TACC2: variants seen among roughly 807,000 people sequenced by gnomAD.
TACC2 encodes transforming acidic coiled-coil-containing protein 2.
In TACC2, 137 loss-of-function variants were observed where a neutral mutation model predicts 227.3. The observed-to-expected ratio is 0.60, with a 90% CI of 0.52 to 0.69. TACC2 has a LOEUF of 0.69. Ranked by LOEUF, TACC2 falls within the 30% of genes least tolerant of loss-of-function variation. The probability of loss-of-function intolerance (pLI) is 0.00; values close to 1 mark genes in which losing one functional copy is unlikely to be tolerated. For synonymous variants in TACC2, 1,523 were observed against 1,487.5 expected, an observed-to-expected ratio of 1.02 and a Z score of -0.55; for missense variants, 3,470 against 3,694.4, an observed-to-expected ratio of 0.94 and a Z score of 1.57.
chr10:122,021,919 C>T lies in TACC2; in HGVS notation c.-45-18C>T. 1 of 1,482,648 alleles carries T rather than the reference C, an allele frequency of 6.7e-7. No individual in the cohort carries two copies. The highest frequency in any genetic ancestry group is 1.1e-5 in the South Asian group (1 of 88,212). The allele number at this position is 1,482,648 out of a possible 1,614,324, so 91.8% of individuals were successfully genotyped here. A position where few individuals can be genotyped will look rare whatever the true frequency, so the allele number is the denominator to read the frequency against. ...TTTTTTCATTTCACAGACGTTTATA[C>T]CCTTTTGTTTCTTCCAGTCACCTCT... is the stretch of plus-strand genomic sequence containing the variant. On this transcript the variant is annotated intron_variant, in intron 1 of 22. Coordinates refer to ENST00000369005, the MANE Select transcript of TACC2 (RefSeq NM_206862.4).
intron 7 of TACC2, among the ~76,000 whole-genome samples, chr10:122,186,822 T>C (rs2140381178): frequency 6.6e-6 from 1 of 152,050 alleles, no homozygotes; most frequent in Admixed American, 6.5e-5. Flanking sequence ...CAAACCTGAG[T>C]TTTAAGATTC....
intron 7 of TACC2, among the ~76,000 whole-genome samples, chr10:122,170,582 G>A (rs534746350): frequency 2.6e-5 from 4 of 152,126 alleles, no homozygotes; most frequent in Admixed American, 6.6e-5. Context: ...GATCACAGGC[G>A]TGAGCCACTG....
At chr10:122,195,270 G>A in intron 8 of TACC2, 94 bp downstream of exon 8, 2 of 1,158,184 alleles carry the variant, frequency 1.7e-6, no homozygotes, top group South Asian at 1.6e-5. Context: ...GGCTGGAGGC[G>A]AGCACTGACT....
At chr10:122,058,888 C>T (rs1429853440) in intron 3 of TACC2, among the ~76,000 whole-genome samples, 3 of 107,350 alleles carry the variant, frequency 2.8e-5, no homozygotes, top group Non-Finnish European at 5.9e-5. Flanking sequence ...CCAGCCCCCT[C>T]TGTGTGTTTT....
intron 19 of TACC2, chr10:122,248,354 A>G (rs749416570): frequency 2.3e-5 from 8 of 348,630 alleles, no homozygotes; most frequent in Non-Finnish European, 3.8e-5. Context: ...AGGGACACCA[A>G]TATAGACCTG....
At chr10:122,108,363 T>C (rs1169914989) in intron 5 of TACC2, among the ~76,000 whole-genome samples, 4 of 151,674 alleles carry the variant, frequency 2.6e-5, no homozygotes, top group Non-Finnish European at 5.9e-5. Flanking sequence ...GGCTGAGTAG[T>C]ATTCCATGCG....
intron 1 of TACC2, among the ~76,000 whole-genome samples, chr10:121,993,774 C>T (rs575031368): frequency 2.0e-4 from 30 of 152,146 alleles, no homozygotes; most frequent in East Asian, 1.2e-3. Flanking sequence ...TACAGGCGTG[C>T]GCCACCATGC....
At chr10:122,250,591 G>A (rs1023410667) in intron 22 of TACC2, among the ~76,000 whole-genome samples, 2 of 152,166 alleles carry the variant, frequency 1.3e-5, no homozygotes, top group Non-Finnish European at 2.9e-5. Flanking sequence ...GGGCATTTGG[G>A]CCAAGCAGTG....
At chr10:122,217,992 T>C (rs1593482508) in intron 11 of TACC2, among the ~76,000 whole-genome samples, 1 of 152,126 alleles carries the variant, frequency 6.6e-6, no homozygotes, top group African/African-American at 2.4e-5. Flanking sequence ...TCGCCCAGGC[T>C]GGAGTGCAAT....
intron 16 of TACC2, among the ~76,000 whole-genome samples, chr10:122,231,706 T>C (rs1209368714): frequency 1.3e-5 from 2 of 152,098 alleles, no homozygotes; most frequent in Non-Finnish European, 2.9e-5. Context: ...CTGGGTGTGG[T>C]GGTACACACC....
intron 1 of TACC2, among the ~76,000 whole-genome samples, chr10:122,013,026 TC>T (rs1241870032): frequency 6.6e-6 from 1 of 151,546 alleles, no homozygotes; most frequent in Non-Finnish European, 1.5e-5. Flanking sequence ...GCTTGCAGAG[TC>T]CCCCAACATC....
chr10:122,084,441 C>T lies in TACC2; in HGVS notation c.1941C>T (p.Pro647=), dbSNP rs779042725. 3 of 1,612,876 alleles carry T rather than the reference C, an allele frequency of 1.9e-6. No homozygotes were observed. Among genetic ancestry groups the T allele is most frequent in the Non-Finnish European group, 2.5e-6 (3 of 1,180,022 alleles). Residue 647 remains proline (P), a synonymous_variant, in exon 4 of 23, where the codon CCC becomes CCT. Coordinates refer to ENST00000369005, the MANE Select transcript of TACC2 (RefSeq NM_206862.4). ...GGGGTGCTGGGCACACGGACGGGCC[C>T]CACTCTCAGACAGCAGAGGCTGATG... ...RKGGAGHTDG[P]HSQTAEADAS...
chr10:122,230,472 T>G, intron 16 of TACC2, 32 bp downstream of exon 16: 2 of 1,592,722 alleles, frequency 1.3e-6, no homozygotes, highest in Non-Finnish European at 1.7e-6. Flanking sequence ...CGCCACCTCC[T>G]GAGAATGTCA....
chr10:122,117,811 C>T (rs1217269819), intron 5 of TACC2, among the ~76,000 whole-genome samples: 1 of 152,000 alleles, frequency 6.6e-6, no homozygotes, highest in Non-Finnish European at 1.5e-5. Flanking sequence ...CATGACTGTT[C>T]CCCCAGTGGG....
chr10:122,165,477 C>G (rs914990396), intron 7 of TACC2, among the ~76,000 whole-genome samples: 12 of 152,172 alleles, frequency 7.9e-5, no homozygotes, highest in African/African-American at 2.4e-5. Flanking sequence ...TCTTTTTCAG[C>G]TGAGTTAATA....
intron 9 of TACC2, among the ~76,000 whole-genome samples, chr10:122,212,535 G>A (rs567728529): frequency 2.6e-5 from 4 of 152,308 alleles, no homozygotes; most frequent in Admixed American, 6.5e-5. Context: ...ATATCTTGGC[G>A]ATTTCCTTAC....
intron 5 of TACC2, among the ~76,000 whole-genome samples, chr10:122,100,018 A>G (rs564774023): frequency 1.8e-3 from 277 of 152,340 alleles, no homozygotes; most frequent in Non-Finnish European, 3.3e-3. Flanking sequence ...TAATCCCAGC[A>G]CTTTGGGAGG....
chr10:122,235,877 G>A (rs2095848877), intron 16 of TACC2, among the ~76,000 whole-genome samples: 2 of 152,102 alleles, frequency 1.3e-5, no homozygotes, highest in Non-Finnish European at 2.9e-5. Flanking sequence ...AGGGGACTGT[G>A]TACTTCCATC....
In TACC2 at chr10:122,143,552, T is replaced by C. The variant is rs2090962816; in HGVS notation, c.5700-20T>C. ...ATGAGCCCAGCACCATGTGGAATAA[T>C]TCCCTCATTGTGTCCCCAGCATCTC... On this transcript the variant is annotated intron_variant, in intron 6 of 22. Coordinates refer to ENST00000369005, the MANE Select transcript of TACC2 (RefSeq NM_206862.4). The C allele has an allele frequency of 6.2e-7, 1 of 1,612,224 alleles. No homozygotes were observed. Among genetic ancestry groups the C allele is most frequent in the Non-Finnish European group, 8.5e-7 (1 of 1,178,924 alleles).
Sources: allele counts gnomAD v4.1 joint callset (sites outside exome capture counted in the v4.1 genomes callset), GRCh38; gene constraint gnomAD v4.1.1; transcripts MANE v1.5; gene names NCBI Gene and HGNC (gene_info 2026-07-23, HGNC 2026-07-21).